The following MARK4 variants were observed in gnomAD, a reference collection of about 807,000 sequenced individuals.
MARK4 encodes the protein microtubule affinity regulating kinase 4, also known as MAP/microtubule affinity-regulating kinase 4.
In MARK4, 19 loss-of-function variants were observed where a neutral mutation model predicts 81.5. The ratio of observed to expected loss-of-function variants is 0.23; its 90% CI spans 0.16 to 0.34. MARK4 has a LOEUF of 0.34. Ranked by LOEUF, MARK4 falls within the 10% of genes least tolerant of loss-of-function variation. The probability of loss-of-function intolerance (pLI) is 1.00; values close to 1 mark genes in which losing one functional copy is unlikely to be tolerated. For missense variants in MARK4, 772 were observed against 1,058.8 expected (o/e 0.73, Z 3.76); for synonymous variants, 436 against 439.0 (o/e 0.99, Z 0.08).
At chr19:45,297,635 GC>G in intron 14 of MARK4, 40 bp from the exon 15 acceptor site, 2 of 1,393,054 alleles carry the variant, frequency 1.4e-6, no homozygotes, top group African/African-American at 1.4e-5. Flanking sequence ...GCCCTGGCCT[GC>G]CTCAGTCCCC....
intron 13 of MARK4, among the ~76,000 whole-genome samples, chr19:45,288,892 C>T (rs1239625599): frequency 6.6e-6 from 1 of 150,510 alleles, no homozygotes; most frequent in African/African-American, 2.4e-5. Context: ...CAGCAGCTTC[C>T]CCAGCTCCTC....
At position 45,299,795 on chromosome 19, in the gene MARK4, C is replaced by G. The variant is rs764360229; in HGVS notation, c.1878-16C>G. ...TATGTCCAGATTAGACACTCTGTCC[C>G]CCTCCCCTCCCCTAGGGTCGCAGAC... On this transcript the variant is annotated splice_polypyrimidine_tract_variant and intron_variant, in intron 15 of 16. Transcript: ENST00000262891. The G allele has an allele frequency of 1.9e-6, 3 of 1,589,242 alleles. No individual in the cohort carries two copies. The highest frequency in any genetic ancestry group is 1.3e-5 in the African/African-American group (1 of 74,128).
intron 7 of MARK4, among the ~76,000 whole-genome samples, chr19:45,267,643 G>T (rs1355709164): frequency 6.6e-6 from 1 of 152,192 alleles, no homozygotes; most frequent in African/African-American, 2.4e-5. Flanking sequence ...AGTGCTTCTG[G>T]AACTATCTGT....
At chr19:45,284,799 C>T (rs1970721156) in intron 12 of MARK4, among the ~76,000 whole-genome samples, 2 of 151,778 alleles carry the variant, frequency 1.3e-5, no homozygotes, top group Non-Finnish European at 2.9e-5. Context: ...CAGAAAAATA[C>T]AAAAATTAGG....
intron 12 of MARK4, among the ~76,000 whole-genome samples, chr19:45,287,026 G>A (rs1970751595): frequency 6.6e-6 from 1 of 151,866 alleles, no homozygotes; most frequent in Admixed American, 6.6e-5. Flanking sequence ...CTACTAAGGG[G>A]CATTTAGGCT....
In MARK4 at chr19:45,271,840, G is replaced by A; in HGVS notation, c.786+132G>A. ...GTTCTCATGGGAAGATGGGGGATGG[G>A]CAGGATTCAAGTCCCCTCTGCAGTG... On this transcript the variant is annotated intron_variant, in intron 8 of 16. Transcript: ENST00000262891. This position sits in a 1 kb window ranked among gnomAD's most constrained non-coding sequence, Gnocchi z 4.1. 1.1e-6 allele frequency: 1 copy of A among 886,596 alleles called. No homozygotes were observed. Among genetic ancestry groups the A allele is most frequent in the Non-Finnish European group, 1.7e-6 (1 of 577,146 alleles). The allele number at this position is 886,596 out of a possible 1,614,324, so 54.9% of individuals were successfully genotyped here.
At chr19:45,285,695 G>A (rs1189106435) in intron 12 of MARK4, among the ~76,000 whole-genome samples, 1 of 149,002 alleles carries the variant, frequency 6.7e-6, no homozygotes, top group East Asian at 1.9e-4. Context: ...TGAGACCTGA[G>A]TTCCAGGGAT....
chr19:45,264,586 G>A, intron 4 of MARK4, 98 bp from the exon 5 acceptor site: 1 of 1,115,862 alleles, frequency 9.0e-7, no homozygotes, highest in Non-Finnish European at 1.3e-6. Context: ...TTGAGTTGGG[G>A]TGGGGGTGTT....
intron 8 of MARK4, among the ~76,000 whole-genome samples, chr19:45,274,504 G>A (rs370956124): frequency 1.1e-4 from 17 of 152,098 alleles, no homozygotes; most frequent in South Asian, 4.1e-4. Flanking sequence ...GGTGGCATGC[G>A]CCTGTAATCC....
In MARK4 at chr19:45,287,485, CCGACGAGCA is replaced by C; in HGVS notation, c.1318_1326del (p.Thr440_Thr442del). On this transcript the variant is annotated inframe_deletion, in exon 13 of 17. Transcript: ENST00000262891. ...TGCACCCCTGCACCCCAAACGCAGCCCGACGAGCACGGGGGAGGCGGAGCTGAAGGAGGA... is the reference window on the plus strand; with the variant it reads ...TGCACCCCTGCACCCCAAACGCAGCCCGGGGGAGGCGGAGCTGAAGGAGGA... 6.7e-7 allele frequency: 1 copy of C among 1,498,134 alleles called. No individual in the cohort carries two copies. Among genetic ancestry groups the C allele is most frequent in the Non-Finnish European group, 8.9e-7 (1 of 1,118,728 alleles). The allele number at this position is 1,498,134 out of a possible 1,614,324, so 92.8% of individuals were successfully genotyped here.
intron 2 of MARK4, among the ~76,000 whole-genome samples, chr19:45,260,976 T>C (rs1413927320): frequency 6.6e-6 from 1 of 152,194 alleles, no homozygotes; most frequent in Admixed American, 6.6e-5. Flanking sequence ...CTAACTCACT[T>C]AGAGGAAAAG....
At chr19:45,279,863 T>C (rs553950649) in intron 10 of MARK4, among the ~76,000 whole-genome samples, 2 of 152,312 alleles carry the variant, frequency 1.3e-5, no homozygotes, top group South Asian at 4.1e-4. Context: ...AAGCAGTCAG[T>C]GTGGCTTTGG....
In MARK4 at chr19:45,280,512, C is replaced by T. The variant is rs112070257; in HGVS notation, c.1116+29C>T. 1.2e-4 allele frequency: 187 copies of T among 1,613,970 alleles called. 2 individuals carry two copies. The South Asian group carries it at 1.4e-3, about 13-fold the overall frequency. ...AGGGGGCGCCAGGGGCCCTTGGGGA[C>T]GCGTGATGCCTGGGTGGAGGGACTT... On this transcript the variant is annotated intron_variant, in intron 11 of 16. Coordinates refer to ENST00000262891, the MANE Select transcript of MARK4 (RefSeq NM_001199867.2).
rs1970650688 is a variant in MARK4, at chr19:45,280,019, A to G, written c.1007-355A>G. ...TGGGAAGGGAGGATGGGTACTGGAC[A>G]GGTCAAAGAGCAGACACCAGTGAAT... On this transcript the variant is annotated intron_variant, in intron 10 of 16. Coordinates refer to ENST00000262891, the MANE Select transcript of MARK4 (RefSeq NM_001199867.2). 2.5e-5 allele frequency: 7 copies of G among 278,892 alleles called. 1 individual carries two copies. The highest frequency in any genetic ancestry group is 2.4e-4 in the South Asian group (6 of 24,750). 17.3% of individuals were successfully genotyped at this position (278,892 alleles called of 1,614,324 possible).
chr19:45,302,572 G>T lies in MARK4; in HGVS notation c.2121G>T (p.Glu707Asp), dbSNP rs867443854. 9 of 1,579,874 alleles carry T rather than the reference G, an allele frequency of 5.7e-6. No homozygotes were observed. The highest frequency in any genetic ancestry group is 1.7e-4 in the Middle Eastern group (1 of 6,026). Residue 707 changes from glutamate (E) to aspartate (D), a missense_variant, in exon 17 of 17, where the codon GAG becomes GAT. Glu to Asp is a conservative substitution (Grantham distance 45). Coordinates refer to ENST00000262891, the MANE Select transcript of MARK4 (RefSeq NM_001199867.2). This position sits in a 1 kb window ranked among gnomAD's most constrained non-coding sequence, Gnocchi z 4.9. ...TGCACGGGGGTGCGGGCGGGCCCGA[G>T]CCCCTGTCCCACTTCGAAGTGGAGG... ...ACLHGGAGGP[E>D]PLSHFEVEVC...
At chr19:45,278,180 G>A (rs539679358) in intron 9 of MARK4, 138 bp downstream of exon 9, 7 of 1,276,436 alleles carry the variant, frequency 5.5e-6, no homozygotes, top group African/African-American at 1.5e-5. Flanking sequence ...CTGGTGAGTG[G>A]GGGTAGACAG....
intron 1 of MARK4, among the ~76,000 whole-genome samples, chr19:45,255,076 C>T (rs1415419580): frequency 6.6e-6 from 1 of 152,084 alleles, no homozygotes; most frequent in Non-Finnish European, 1.5e-5. Context: ...GTGGTGCACT[C>T]CTGTGGTCCC....
In MARK4 at chr19:45,273,646, C is replaced by G. The variant is rs151024228; in HGVS notation, c.786+1938C>G. Among the ~76,000 whole-genome samples, 16 of 152,328 alleles carry G rather than the reference C, an allele frequency of 1.1e-4. No homozygotes were observed. The East Asian group carries it at 3.1e-3, about 29-fold the overall frequency. On this transcript the variant is annotated intron_variant, in intron 8 of 16. Transcript: ENST00000262891. ...ATGACATTGACATTATCGATTAGTT[C>G]AGGCCAGTTAATTTTGCAGAACGTC...
chr19:45,272,388 C>T (rs1970540395), intron 8 of MARK4, among the ~76,000 whole-genome samples: 1 of 152,074 alleles, frequency 6.6e-6, no homozygotes, highest in African/African-American at 2.4e-5. Flanking sequence ...GTGGGTGAAC[C>T]TTGAAAACAT....
Sources: allele counts gnomAD v4.1 joint callset (sites outside exome capture counted in the v4.1 genomes callset), GRCh38; gene constraint gnomAD v4.1.1; non-coding constraint Gnocchi (gnomAD v3.1); transcripts MANE v1.5; gene names NCBI Gene and HGNC (gene_info 2026-07-23, HGNC 2026-07-21).